Variants in ITGB4 observed in about 807,000 individuals in gnomAD.
The protein encoded by ITGB4 is integrin beta-4.
Under a neutral mutation model 207.6 loss-of-function variants are expected in ITGB4, and 159 were observed. The observed-to-expected ratio is 0.77, with a 90% CI of 0.67 to 0.87. The LOEUF (loss-of-function observed/expected upper bound fraction) is 0.87. ITGB4 is among the 40% of genes least tolerant of loss of function. The pLI is 0.00. For synonymous variants in ITGB4, 1,020 were observed against 1,062.7 expected (o/e 0.96, Z 0.78); for missense variants, 2,278 against 2,546.8 (o/e 0.89, Z 2.27).
At chr17:75,728,714 G>T (rs531932819) in intron 6 of ITGB4, among the ~76,000 whole-genome samples, 1 of 152,280 alleles carries the variant, frequency 6.6e-6, no homozygotes, top group East Asian at 1.9e-4. Context: ...GCTGGGCGCG[G>T]TGGTTCACGC....
intron 26 of ITGB4, among the ~76,000 whole-genome samples, chr17:75,745,428 C>CA (rs1318765704): frequency 6.6e-6 from 1 of 151,702 alleles, no homozygotes; most frequent in South Asian, 2.1e-4. Context: ...AAAAATCAAA[C>CA]AAAAAAACAA....
At position 75,739,187 on chromosome 17, in the gene ITGB4, A is replaced by G. The variant is rs1384549212; in HGVS notation, c.2221-485A>G. On this transcript the variant is annotated intron_variant, in intron 18 of 39. Coordinates refer to ENST00000200181, the MANE Select transcript of ITGB4 (RefSeq NM_000213.5). The surrounding 1 kb of genome is among the most constrained non-coding windows in gnomAD (Gnocchi z 5.4). ...GTGGATGCCTATAATCCCAGTTACT[A>G]GGGGGGCTGAGGCAGGAGAATTGCT... Among the ~76,000 whole-genome samples, 1 of 150,940 alleles carries G rather than the reference A, an allele frequency of 6.6e-6. No individual in the cohort carries two copies. Among genetic ancestry groups the G allele is most frequent in the Non-Finnish European group, 1.5e-5 (1 of 67,708 alleles).
chr17:75,744,195 A>G lies in ITGB4; in HGVS notation c.3111+334A>G, dbSNP rs983874814. 1.2e-4 allele frequency among the ~76,000 whole-genome samples: 17 copies of G among 140,350 alleles called. No individual in the cohort carries two copies. In the Admixed American group the frequency reaches 1.3e-3, roughly 11 times the overall value. The allele number at this position is 140,350 out of a possible 152,430, so 92.1% of individuals were successfully genotyped here. ...GAGTGCAATGGCACAATCTCAGCTC[A>G]CCGCAACCTCCACCTCTCGGGTTCA... On this transcript the variant is annotated intron_variant, in intron 26 of 39. Coordinates refer to ENST00000200181, the MANE Select transcript of ITGB4 (RefSeq NM_000213.5).
In ITGB4 at chr17:75,757,088, C is replaced by T. The variant is rs1052292330; in HGVS notation, c.5199C>T (p.Thr1733=). 6.2e-7 allele frequency: 1 copy of T among 1,613,026 alleles called. No homozygotes were observed. The highest frequency in any genetic ancestry group is 8.5e-7 in the Non-Finnish European group (1 of 1,179,978). Reference sequence around the variant, plus strand: ...GGCCAGAGCGCGAGGGCATCATCACCATAGAGTCCCAGGATGGAGGTAGGC... The same window carrying T: ...GGCCAGAGCGCGAGGGCATCATCACTATAGAGTCCCAGGATGGAGGTAGGC... ...GFGPEREGII[T]IESQDGGPFP... The change falls in exon 38 of 40, where the codon ACC becomes ACT. Residue 1733 remains threonine (T), a synonymous_variant. Coordinates refer to ENST00000200181, the MANE Select transcript of ITGB4 (RefSeq NM_000213.5).
At position 75,731,934 on chromosome 17, in the gene ITGB4, G is replaced by T; in HGVS notation, c.1338G>T (p.Met446Ile). The T allele has an allele frequency of 6.2e-7, 1 of 1,614,076 alleles. No homozygotes were observed. The highest frequency in any genetic ancestry group is 8.5e-7 in the Non-Finnish European group (1 of 1,180,030). Residue 446 changes from methionine to isoleucine, a missense_variant, in exon 11 of 40, where the codon ATG becomes ATT. Coordinates refer to ENST00000200181, the MANE Select transcript of ITGB4 (RefSeq NM_000213.5). The surrounding 1 kb of genome is among the most constrained non-coding windows in gnomAD (Gnocchi z 6.8). ...CTTCCTTCTCCGACGGCCTCAAGAT[G>T]GACGCGGGCATCATCTGTGATGTGT... is the stretch of plus-strand genomic sequence containing the variant. ...LKPSFSDGLK[M>I]DAGIICDVCT...
chr17:75,742,252 C>T lies in ITGB4; in HGVS notation c.2634-89C>T, dbSNP rs2061127513. 2.0e-6 allele frequency: 3 copies of T among 1,536,840 alleles called. No individual in the cohort carries two copies. The highest frequency in any genetic ancestry group is 2.7e-6 in the Non-Finnish European group (3 of 1,116,818). Reference sequence around the variant, plus strand: ...ACTTCTTGCTGTCTTACATCCTGGCCCCTGAAGGGGAGAAGACAGGCAGGA... The same window carrying T: ...ACTTCTTGCTGTCTTACATCCTGGCTCCTGAAGGGGAGAAGACAGGCAGGA... On this transcript the variant is annotated intron_variant, in intron 23 of 39. Coordinates refer to ENST00000200181, the MANE Select transcript of ITGB4 (RefSeq NM_000213.5). The surrounding 1 kb of genome is among the most constrained non-coding windows in gnomAD (Gnocchi z 5.9).
At position 75,752,465 on chromosome 17, in the gene ITGB4, C is replaced by G; in HGVS notation, c.3996C>G (p.Ile1332Met). The change falls in exon 32 of 40, where the codon ATC becomes ATG. Residue 1332 changes from isoleucine to methionine, a missense_variant. By Grantham distance (10) the Ile-to-Met change is conservative. Coordinates refer to ENST00000200181, the MANE Select transcript of ITGB4 (RefSeq NM_000213.5). ...RPMSIPIIPD[I>M]PIVDAQSGED... ...CTGCAGTCCCCATCATCCCTGACATCCCTATCGTGGACGCCCAGAGCGGGG... is the reference window on the plus strand; with the variant it reads ...CTGCAGTCCCCATCATCCCTGACATGCCTATCGTGGACGCCCAGAGCGGGG... 6.2e-7 allele frequency: 1 copy of G among 1,613,604 alleles called. No individual in the cohort carries two copies. The highest frequency in any genetic ancestry group is 8.5e-7 in the Non-Finnish European group (1 of 1,180,024).
chr17:75,730,378 C>T lies in ITGB4; in HGVS notation c.876C>T (p.Thr292=). 2 of 1,614,000 alleles carry T rather than the reference C, an allele frequency of 1.2e-6. No homozygotes were observed. The highest frequency in any genetic ancestry group is 1.7e-6 in the Non-Finnish European group (2 of 1,180,016). ...ACGATGAACGGTGCCACCTGGACAC[C>T]ACGGGCACCTACACCCAGTACAGGA... The part of the protein sequence containing the change: ...SRNDERCHLD[T]TGTYTQYRTQ... The change falls in exon 8 of 40, where the codon ACC becomes ACT. Residue 292 remains threonine (T), a synonymous_variant. Transcript: ENST00000200181.
At chr17:75,736,267 T>G in intron 14 of ITGB4, 21 bp from the exon 15 acceptor site, 1 of 1,608,130 alleles carries the variant, frequency 6.2e-7, no homozygotes, top group Non-Finnish European at 8.5e-7. Flanking sequence ...GCTGGCTCAC[T>G]GGTGCCCCCT....
intron 23 of ITGB4, 76 bp downstream of exon 23, chr17:75,741,081 G>A (rs1327277851): frequency 3.0e-5 from 46 of 1,517,346 alleles, no homozygotes; most frequent in Admixed American, 3.0e-4. Flanking sequence ...TGCCTCGTCC[G>A]TCCCTACTCC....
chr17:75,730,613 C>T (rs1385842293), intron 8 of ITGB4, 109 bp downstream of exon 8: 1 of 1,121,554 alleles, frequency 8.9e-7, no homozygotes, highest in Admixed American at 2.1e-5. Flanking sequence ...TTCCTCCCTT[C>T]CTCCCTCCCT....
At chr17:75,736,825 A>G (rs2060989262) in intron 16 of ITGB4, 131 bp downstream of exon 16, 1 of 1,021,838 alleles carries the variant, frequency 9.8e-7, no homozygotes, top group Non-Finnish European at 1.5e-6. Context: ...CAGGAACTCC[A>G]GAGCTGGGAG....
Position 75,729,395 on chromosome 17 carries a change from G to T in ITGB4, c.697G>T (p.Glu233Ter). The part of the protein sequence containing the change: ...ERISGNLDAP[E>*]GGFDAILQTA... ...GATCTCAGGCAACCTGGATGCTCCTGAGGGCGGCTTCGATGCCATCCTGCA... is the reference window on the plus strand; with the variant it reads ...GATCTCAGGCAACCTGGATGCTCCTTAGGGCGGCTTCGATGCCATCCTGCA... The change falls in exon 7 of 40, where the codon GAG becomes TAG. Residue 233 changes from glutamate to a stop codon, truncating the protein, a stop_gained. Transcript: ENST00000200181. LOFTEE classifies it high-confidence loss of function. The surrounding 1 kb of genome is among the most constrained non-coding windows in gnomAD (Gnocchi z 4.4). 1.2e-6 allele frequency: 2 copies of T among 1,614,190 alleles called. No individual in the cohort carries two copies. Among genetic ancestry groups the T allele is most frequent in the Non-Finnish European group, 1.7e-6 (2 of 1,180,026 alleles).
chr17:75,743,445 C>G (rs2061162018), intron 25 of ITGB4, among the ~76,000 whole-genome samples: 1 of 152,140 alleles, frequency 6.6e-6, no homozygotes, highest in South Asian at 2.1e-4. Context: ...GTTGGCCAGG[C>G]TGGTCTCGAA....
chr17:75,747,521 G>A (rs1167298301), intron 26 of ITGB4, among the ~76,000 whole-genome samples: 2 of 152,102 alleles, frequency 1.3e-5, no homozygotes, highest in Non-Finnish European at 2.9e-5. Flanking sequence ...ATATTCCAAT[G>A]TCCCCTTGTT....
At position 75,755,790 on chromosome 17, in the gene ITGB4, G is replaced by A. The variant is rs1599319002; in HGVS notation, c.4648G>A (p.Glu1550Lys). The A allele has an allele frequency of 6.2e-7, 1 of 1,611,782 alleles. No homozygotes were observed. The highest frequency in any genetic ancestry group is 1.3e-5 in the African/African-American group (1 of 75,026). The change falls in exon 35 of 40, where the codon GAG becomes AAG. Residue 1550 changes from glutamate to lysine, a missense_variant. Glu to Lys is a moderately conservative substitution (Grantham distance 56, BLOSUM62 1). Coordinates refer to ENST00000200181, the MANE Select transcript of ITGB4 (RefSeq NM_000213.5). ...GPTSLRVSWQEPRCERPLQGY... is the reference protein window; with the variant it reads ...GPTSLRVSWQKPRCERPLQGY... ...CACATCTCTCAGAGTGAGCTGGCAGGAGCCGCGGTGCGAGCGGCCGCTGCA... is the reference window on the plus strand; with the variant it reads ...CACATCTCTCAGAGTGAGCTGGCAGAAGCCGCGGTGCGAGCGGCCGCTGCA...
At position 75,752,614 on chromosome 17, in the gene ITGB4, G is replaced by A. The variant is rs1431331844; in HGVS notation, c.4108+37G>A. 1.9e-6 allele frequency: 3 copies of A among 1,612,262 alleles called. No individual in the cohort carries two copies. The South Asian group carries it at 3.3e-5, about 18-fold the overall frequency. On this transcript the variant is annotated intron_variant, in intron 32 of 39. Transcript: ENST00000200181. The stretch of plus-strand genomic sequence containing the variant: ...CCTGGGACCCACAAGAGGACAGTGG[G>A]GGTCTTGGGTACAGAGTGAGTCCAC...
At chr17:75,757,177 A>G (rs528852616) in intron 38 of ITGB4, 23 bp from the exon 39 acceptor site, 1 of 1,611,144 alleles carries the variant, frequency 6.2e-7, no homozygotes, top group East Asian at 2.2e-5. Context: ...CCACCCTCTG[A>G]CTGGCCTATC....
chr17:75,742,587 C>T lies in ITGB4; in HGVS notation c.2788C>T (p.Arg930Trp), dbSNP rs548339809. 73 of 1,613,924 alleles carry T rather than the reference C, an allele frequency of 4.5e-5. No individual in the cohort carries two copies. The highest frequency in any genetic ancestry group is 1.6e-4 in the South Asian group (15 of 91,080). Residue 930 changes from arginine (R) to tryptophan (W), a missense_variant, in exon 25 of 40, where the codon CGG becomes TGG. Coordinates refer to ENST00000200181, the MANE Select transcript of ITGB4 (RefSeq NM_000213.5). This position sits in a 1 kb window ranked among gnomAD's most constrained non-coding sequence, Gnocchi z 5.9. ...ACCTCCGAACCCCCACCCAGACGCCCGGGGCATGGTGGAGTTCCAGGAGGG... is the reference window on the plus strand; with the variant it reads ...ACCTCCGAACCCCCACCCAGACGCCTGGGGCATGGTGGAGTTCCAGGAGGG... ...YYTLTADQDA[R>W]GMVEFQEGVE...
Sources: gnomAD v4.1 joint callset for allele counts (sites outside exome capture counted in the v4.1 genomes callset) on GRCh38, gnomAD v4.1.1 for gene constraint, Gnocchi (gnomAD v3.1) non-coding constraint, MANE v1.5 for transcripts, NCBI Gene and HGNC (gene_info 2026-07-23, HGNC 2026-07-21) for gene names.